TBC1D30: variants seen among roughly 807,000 people sequenced by gnomAD.
TBC1D30 encodes TBC1 domain family member 30, also known as TBC1 domain family, member 30.
In TBC1D30, 31 loss-of-function variants were observed where a neutral mutation model predicts 63.2. The observed-to-expected ratio is 0.49, with a 90% CI of 0.37 to 0.66. The LOEUF (loss-of-function observed/expected upper bound fraction) is 0.66, where lower values mean the gene tolerates loss of function less well. TBC1D30 is among the 30% of genes least tolerant of loss of function. TBC1D30 has a pLI of 0.00. For missense variants in TBC1D30, 810 were observed against 953.6 expected (o/e 0.85, Z 1.98); for synonymous variants, 307 against 361.5 (o/e 0.85, Z 1.71).
intron 7 of TBC1D30, among the ~76,000 whole-genome samples, chr12:64,841,306 T>C (rs1279653732): frequency 3.9e-5 from 6 of 152,190 alleles, no homozygotes; most frequent in African/African-American, 1.4e-4. Context: ...CTTGGGAATA[T>C]GTAAATTGTA....
intron 5 of TBC1D30, among the ~76,000 whole-genome samples, chr12:64,834,096 C>T (rs571431982): frequency 2.6e-5 from 4 of 152,166 alleles, no homozygotes; most frequent in African/African-American, 9.6e-5. Context: ...TCAGCCCCCA[C>T]GAAAATGGGC....
chr12:64,799,459 A>G (rs1217647691), intron 2 of TBC1D30, among the ~76,000 whole-genome samples: 5 of 152,224 alleles, frequency 3.3e-5, no homozygotes, highest in Non-Finnish European at 1.5e-5. Flanking sequence ...TGCCTTTGCC[A>G]TCAGCATTTG....
chr12:64,805,782 G>A (rs570813721), intron 2 of TBC1D30, among the ~76,000 whole-genome samples: 24 of 152,152 alleles, frequency 1.6e-4, no homozygotes, highest in African/African-American at 5.8e-4. Context: ...GCAGTGAGCC[G>A]AGATCATGCC....
intron 1 of TBC1D30, among the ~76,000 whole-genome samples, chr12:64,825,951 G>A (rs1157388916): frequency 6.6e-6 from 1 of 152,210 alleles, no homozygotes; most frequent in Non-Finnish European, 1.5e-5. Context: ...GAGCTGCAGA[G>A]TCCCAAAGGG....
chr12:64,865,054 T>C (rs1467403661), intron 9 of TBC1D30, among the ~76,000 whole-genome samples: 1 of 151,820 alleles, frequency 6.6e-6, no homozygotes, highest in Non-Finnish European at 1.5e-5. Context: ...ATAGTTAAAA[T>C]AGTGTGGAAC....
chr12:64,878,320 C>G lies in TBC1D30; in HGVS notation c.*2532C>G, dbSNP rs1879231059. 7 of 392,958 alleles carry G rather than the reference C, an allele frequency of 1.8e-5. No homozygotes were observed. The highest frequency in any genetic ancestry group is 1.3e-4 in the South Asian group (7 of 53,068). 24.3% of individuals were successfully genotyped at this position (392,958 alleles called of 1,614,324 possible). On this transcript the variant is annotated 3_prime_UTR_variant, in exon 12 of 12. Transcript: ENST00000539867. Reference sequence around the variant, plus strand: ...CTCTACCACACAGCATGTACAAAGACCAGTATGGACTTGCTATCTTCCCTA... The same window carrying G: ...CTCTACCACACAGCATGTACAAAGAGCAGTATGGACTTGCTATCTTCCCTA...
In TBC1D30 at chr12:64,880,070, G is replaced by A. The variant is rs879203478; in HGVS notation, c.*4282G>A. 1 of 152,220 alleles carries A rather than the reference G, an allele frequency of 6.6e-6. No individual in the cohort carries two copies. The highest frequency in any genetic ancestry group is 2.1e-4 in the South Asian group (1 of 4,828). The allele number at this position is 152,220 out of a possible 1,614,324, so 9.4% of individuals were successfully genotyped here. A position where few individuals can be genotyped will look rare whatever the true frequency, so the allele number is the denominator to read the frequency against. ...AAATGTGAAGGCCGGTGAGTATTTG[G>A]ACCATTGAAGTGGGAGTTATCTGTT... On this transcript the variant is annotated 3_prime_UTR_variant, in exon 12 of 12. Transcript: ENST00000539867.
upstream of TBC1D30, among the ~76,000 whole-genome samples, chr12:64,819,772 A>C (rs913769086): frequency 3.3e-5 from 5 of 152,224 alleles, no homozygotes; most frequent in African/African-American, 1.2e-4. Flanking sequence ...TTGTCTGGTT[A>C]GCAGACGCCA....
intron 2 of TBC1D30, among the ~76,000 whole-genome samples, chr12:64,787,773 C>T (rs187288508): frequency 1.3e-5 from 2 of 152,334 alleles, no homozygotes; most frequent in Middle Eastern, 3.4e-3. Flanking sequence ...TGGCGGCTCA[C>T]GCCTATAATC....
At chr12:64,830,903 A>G (rs566406329) in intron 4 of TBC1D30, among the ~76,000 whole-genome samples, 327 of 152,302 alleles carry the variant, frequency 2.1e-3, no homozygotes, top group Middle Eastern at 6.8e-3. Flanking sequence ...TTAACTGCCA[A>G]TTTCTAAAGA....
intron 2 of TBC1D30, among the ~76,000 whole-genome samples, chr12:64,792,551 A>G (rs899714552): frequency 1.3e-5 from 2 of 152,152 alleles, no homozygotes; most frequent in African/African-American, 4.8e-5. Flanking sequence ...CTGCCAGGCT[A>G]TGCTTTAGGC....
At chr12:64,804,627 C>T (rs115515910) in intron 2 of TBC1D30, among the ~76,000 whole-genome samples, 2 of 152,236 alleles carry the variant, frequency 1.3e-5, no homozygotes, top group African/African-American at 4.8e-5. Flanking sequence ...CTGATCCCCA[C>T]CAATTTTCTG....
intron 2 of TBC1D30, among the ~76,000 whole-genome samples, chr12:64,806,098 A>G (rs1002330324): frequency 6.6e-6 from 1 of 152,246 alleles, no homozygotes; most frequent in Non-Finnish European, 1.5e-5. Context: ...GACCAGTGGA[A>G]TGTAAAATTG....
At chr12:64,849,018 A>G (rs1473938527) in intron 8 of TBC1D30, among the ~76,000 whole-genome samples, 1 of 152,204 alleles carries the variant, frequency 6.6e-6, no homozygotes, top group Non-Finnish European at 1.5e-5. Flanking sequence ...CATTTCTTTA[A>G]TGACCAGTGA....
At chr12:64,840,345 A>G (rs769740471) in intron 7 of TBC1D30, among the ~76,000 whole-genome samples, 13 of 152,234 alleles carry the variant, frequency 8.5e-5, no homozygotes, top group Non-Finnish European at 1.3e-4. Flanking sequence ...ACTTTACTGT[A>G]TGATGAGTCA....
At chr12:64,794,105 T>C (rs1040523937) in intron 2 of TBC1D30, among the ~76,000 whole-genome samples, 4 of 152,236 alleles carry the variant, frequency 2.6e-5, no homozygotes, top group Non-Finnish European at 5.9e-5. Context: ...CTTGTCTTGT[T>C]GCTCTTGAGA....
chr12:64,762,897 T>C (rs548564518), intron 1 of TBC1D30, among the ~76,000 whole-genome samples: 79 of 152,344 alleles, frequency 5.2e-4, no homozygotes, highest in African/African-American at 1.8e-3. Flanking sequence ...TATATATGTT[T>C]AGTATTTTTG....
intron 4 of TBC1D30, among the ~76,000 whole-genome samples, chr12:64,831,212 T>G (rs1209432023): frequency 1.3e-5 from 2 of 150,686 alleles, no homozygotes; most frequent in Non-Finnish European, 1.5e-5. Flanking sequence ...TATTTGGAGG[T>G]TTTTTTTTAA....
intron 9 of TBC1D30, among the ~76,000 whole-genome samples, chr12:64,866,164 G>T (rs1878197674): frequency 6.6e-6 from 1 of 152,116 alleles, no homozygotes; most frequent in Admixed American, 6.5e-5. Flanking sequence ...ACTGTGCCCA[G>T]CCCGTAAAGA....
Sources: allele counts gnomAD v4.1 joint callset (sites outside exome capture counted in the v4.1 genomes callset), GRCh38; gene constraint gnomAD v4.1.1; transcripts MANE v1.5; gene names NCBI Gene and HGNC (gene_info 2026-07-23, HGNC 2026-07-21).